The following LDLRAD4 variants were observed in gnomAD, a reference collection of about 807,000 sequenced individuals.
LDLRAD4 encodes low-density lipoprotein receptor class A domain-containing protein 4.
In LDLRAD4, 5 loss-of-function variants were observed where a neutral mutation model predicts 17.0. The observed-to-expected ratio is 0.29, with a 90% CI of 0.15 to 0.62. LDLRAD4 has a LOEUF of 0.62. Among genes scored for constraint, LDLRAD4 ranks in the 20% least tolerant of loss-of-function variants. LDLRAD4 has a pLI of 0.84. For synonymous variants in LDLRAD4, 168 were observed against 171.8 expected (o/e 0.98, Z 0.17); for missense variants, 340 against 424.7 (o/e 0.80, Z 1.75).
chr18:13,527,192 T>C (rs575464920), intron 3 of LDLRAD4, among the ~76,000 whole-genome samples: 1 of 152,346 alleles, frequency 6.6e-6, no homozygotes, highest in South Asian at 2.1e-4. Flanking sequence ...AGAAGCCAAA[T>C]AAGTGAATTT....
At chr18:13,304,099 C>G (rs537553048) in intron 1 of LDLRAD4, among the ~76,000 whole-genome samples, 2 of 152,342 alleles carry the variant, frequency 1.3e-5, no homozygotes, top group South Asian at 4.1e-4. Context: ...GGGAGGCAGC[C>G]CTGCTGCTGC....
chr18:13,532,271 A>G (rs1447096868), intron 3 of LDLRAD4, among the ~76,000 whole-genome samples: 6 of 152,212 alleles, frequency 3.9e-5, no homozygotes, highest in African/African-American at 1.4e-4. Context: ...CGACTTCTGG[A>G]GTATGTATTA....
chr18:13,403,789 T>C (rs192035170), intron 2 of LDLRAD4, among the ~76,000 whole-genome samples: 14 of 152,336 alleles, frequency 9.2e-5, no homozygotes, highest in African/African-American at 3.4e-4. Context: ...TTCTAATATA[T>C]TTTACCTCTA....
chr18:13,473,673 ATAT>A (rs2092851243), intron 3 of LDLRAD4, among the ~76,000 whole-genome samples: 5 of 113,738 alleles, frequency 4.4e-5, no homozygotes, highest in African/African-American at 6.9e-5. Context: ...ATATATATAT[ATAT>A]ATAACGTTTA....
intron 3 of LDLRAD4, among the ~76,000 whole-genome samples, chr18:13,533,070 A>G (rs1239864979): frequency 6.6e-6 from 1 of 152,228 alleles, no homozygotes; most frequent in African/African-American, 2.4e-5. Context: ...GTTTTTCATT[A>G]ACTAATACAT....
At chr18:13,246,692 T>C (rs959881572) in intron 1 of LDLRAD4, among the ~76,000 whole-genome samples, 1 of 152,218 alleles carries the variant, frequency 6.6e-6, no homozygotes, top group South Asian at 2.1e-4. Context: ...TCTTGGAAAA[T>C]TGGCCTCCAG....
At chr18:13,269,562 CT>C (rs113807644) in intron 1 of LDLRAD4, among the ~76,000 whole-genome samples, 3,461 of 145,812 alleles carry the variant, frequency 0.024, 126 homozygotes, top group African/African-American at 0.079. Context: ...GGTAGATGAT[CT>C]TTTTTTTTTT....
intron 3 of LDLRAD4, among the ~76,000 whole-genome samples, chr18:13,589,851 G>T (rs2094987248): frequency 6.6e-6 from 1 of 152,174 alleles, no homozygotes; most frequent in Non-Finnish European, 1.5e-5. Flanking sequence ...GAATGGAGGG[G>T]CCCAAGGAGT....
At chr18:13,611,837 C>G (rs1180771132) in intron 3 of LDLRAD4, 35 of 985,384 alleles carry the variant, frequency 3.6e-5, no homozygotes, top group Non-Finnish European at 4.1e-5. Context: ...GTTAGGACCT[C>G]ACGCCTTGCC....
intron 3 of LDLRAD4, among the ~76,000 whole-genome samples, chr18:13,578,141 A>G (rs183937793): frequency 6.6e-6 from 1 of 152,210 alleles, no homozygotes; most frequent in East Asian, 1.9e-4. Flanking sequence ...AAGCAATGCA[A>G]ATATACCAAG....
chr18:13,222,574 C>T (rs775472948), intron 1 of LDLRAD4, among the ~76,000 whole-genome samples: 3 of 152,224 alleles, frequency 2.0e-5, no homozygotes, highest in Non-Finnish European at 4.4e-5. Flanking sequence ...AGCCGGCGGC[C>T]GGCTGGGCGC....
chr18:13,557,974 CA>C (rs1260835397), intron 3 of LDLRAD4, among the ~76,000 whole-genome samples: 1 of 151,962 alleles, frequency 6.6e-6, no homozygotes, highest in Non-Finnish European at 1.5e-5. Context: ...TTTCAAGGTA[CA>C]AAAAAATTCC....
At chr18:13,504,364 A>G (rs1458444825) in intron 3 of LDLRAD4, among the ~76,000 whole-genome samples, 7 of 152,260 alleles carry the variant, frequency 4.6e-5, no homozygotes, top group Non-Finnish European at 8.8e-5. Context: ...GCAGATGAAC[A>G]GTTGCAAACT....
chr18:13,465,854 G>C (rs571460206), intron 3 of LDLRAD4, among the ~76,000 whole-genome samples: 20 of 152,084 alleles, frequency 1.3e-4, no homozygotes, highest in Non-Finnish European at 2.5e-4. Flanking sequence ...TGTAAGTTAG[G>C]CCTCTCTTGT....
chr18:13,343,522 G>A (rs1443689661), intron 1 of LDLRAD4, among the ~76,000 whole-genome samples: 4 of 152,042 alleles, frequency 2.6e-5, no homozygotes, highest in African/African-American at 9.7e-5. Flanking sequence ...TTGCTATTGT[G>A]AATAGTGCCA....
intron 1 of LDLRAD4, among the ~76,000 whole-genome samples, chr18:13,325,921 C>T (rs990007307): frequency 5.3e-5 from 8 of 152,156 alleles, no homozygotes; most frequent in South Asian, 4.2e-4. Flanking sequence ...CCTGCCACCA[C>T]GCGGAGCTAA....
At chr18:13,301,354 T>C (rs924933337) in intron 1 of LDLRAD4, among the ~76,000 whole-genome samples, 1 of 152,106 alleles carries the variant, frequency 6.6e-6, no homozygotes, top group Non-Finnish European at 1.5e-5. Flanking sequence ...CGCTGGACCA[T>C]TCTCGAACTT....
At chr18:13,514,109 G>A (rs1162613283) in intron 3 of LDLRAD4, among the ~76,000 whole-genome samples, 1 of 152,152 alleles carries the variant, frequency 6.6e-6, no homozygotes, top group Non-Finnish European at 1.5e-5. Flanking sequence ...GTTAACTCTT[G>A]TACTAACTTC....
chr18:13,515,374 G>C (rs1201181818), intron 3 of LDLRAD4: 1 of 152,254 alleles, frequency 6.6e-6, no homozygotes, highest in Non-Finnish European at 1.5e-5. Context: ...AAGGAGTGGT[G>C]GTGGTTCTTG....
Sources: gnomAD v4.1 joint callset for allele counts (sites outside exome capture counted in the v4.1 genomes callset) on GRCh38, gnomAD v4.1.1 for gene constraint, MANE v1.5 for transcripts, NCBI Gene and HGNC (gene_info 2026-07-23, HGNC 2026-07-21) for gene names.